NHSL1: variants seen among roughly 807,000 people sequenced by gnomAD.
The protein encoded by NHSL1 is NHS like 1.
A neutral mutation model predicts 95.0 loss-of-function variants in NHSL1; 48 were observed. The ratio of observed to expected loss-of-function variants is 0.51; its 90% CI spans 0.40 to 0.64. The LOEUF is 0.64. NHSL1 is among the 30% of genes least tolerant of loss of function. NHSL1 has a pLI of 0.00. For missense variants in NHSL1, 1,971 were observed against 2,077.7 expected (o/e 0.95, Z 1.00); for synonymous variants, 783 against 833.9 (o/e 0.94, Z 1.05).
chr6:138,428,786 G>T (rs1369893443), intron 7 of NHSL1, among the ~76,000 whole-genome samples: 1 of 151,772 alleles, frequency 6.6e-6, no homozygotes, highest in African/African-American at 2.4e-5. Context: ...TTTGTTTCAG[G>T]AGGTTAAAAA....
intron 1 of NHSL1, among the ~76,000 whole-genome samples, chr6:138,646,274 A>C (rs1299730376): frequency 6.6e-6 from 1 of 152,204 alleles, no homozygotes; most frequent in Admixed American, 6.5e-5. Flanking sequence ...AAATACACCA[A>C]TATTTTTAAC....
rs147872637 is a variant in NHSL1 at position 138,518,101 on chromosome 6, A to G, written c.17-21730T>C. Among the ~76,000 whole-genome samples the G allele has an allele frequency of 6.3e-3, 953 of 152,352 alleles. 23 individuals carry two copies. The highest frequency in any genetic ancestry group is 0.048 in the Admixed American group (738 of 15,304). On this transcript the variant is annotated intron_variant, in intron 1 of 4. Transcript: ENST00000342260. ...TGCAAGATTTCTGGACAAGTTCTTC[A>G]GTAAGAACAATTACTAATATAGGTT...
intron 1 of NHSL1, among the ~76,000 whole-genome samples, chr6:138,505,220 T>C (rs1780896747): frequency 6.6e-6 from 1 of 152,200 alleles, no homozygotes; most frequent in Non-Finnish European, 1.5e-5. Flanking sequence ...CCAAAAACTT[T>C]TTCACAAATA....
At chr6:138,442,317 AG>A in intron 4 of NHSL1, among the ~76,000 whole-genome samples, 1 of 152,358 alleles carries the variant, frequency 6.6e-6, no homozygotes, top group South Asian at 2.1e-4. Flanking sequence ...CACCTTCCAA[AG>A]GAAGCACCTT....
chr6:138,580,929 G>A (rs1158452671), intron 1 of NHSL1, among the ~76,000 whole-genome samples: 1 of 152,200 alleles, frequency 6.6e-6, no homozygotes, highest in Non-Finnish European at 1.5e-5. Flanking sequence ...AAAGAGAGAA[G>A]CAGGGGGAGG....
intron 1 of NHSL1, among the ~76,000 whole-genome samples, chr6:138,541,197 T>C (rs1286911904): frequency 6.6e-6 from 1 of 152,024 alleles, no homozygotes; most frequent in Non-Finnish European, 1.5e-5. Flanking sequence ...TGAAACCTCA[T>C]CTCTAATAAA....
At chr6:138,649,092 A>G (rs1344553754) in intron 1 of NHSL1, among the ~76,000 whole-genome samples, 3 of 152,194 alleles carry the variant, frequency 2.0e-5, no homozygotes, top group Non-Finnish European at 2.9e-5. Context: ...TTATTACAGG[A>G]AAGTGTATAC....
At chr6:138,641,855 T>C (rs1002369553) in intron 1 of NHSL1, among the ~76,000 whole-genome samples, 3 of 152,174 alleles carry the variant, frequency 2.0e-5, no homozygotes, top group Non-Finnish European at 4.4e-5. Context: ...CCCCACCTCC[T>C]GTCTCCTATA....
intron 1 of NHSL1, among the ~76,000 whole-genome samples, chr6:138,584,772 C>T (rs1784108545): frequency 6.6e-6 from 1 of 152,210 alleles, no homozygotes; most frequent in African/African-American, 2.4e-5. Context: ...AAAGTAAACA[C>T]CACGCCCTTT....
chr6:138,641,604 CAG>C (rs1234713405), intron 1 of NHSL1, among the ~76,000 whole-genome samples: 1 of 123,578 alleles, frequency 8.1e-6, no homozygotes, highest in Admixed American at 1.1e-4. Context: ...GCCTGGGTGA[CAG>C]AGTGAGACTC....
intron 1 of NHSL1, among the ~76,000 whole-genome samples, chr6:138,533,374 C>G (rs544799855): frequency 2.2e-3 from 329 of 152,112 alleles, no homozygotes; most frequent in African/African-American, 7.5e-3. Context: ...ACCAGCCTGA[C>G]CAACATGGAG....
intron 1 of NHSL1, among the ~76,000 whole-genome samples, chr6:138,566,352 T>G (rs1323783000): frequency 6.6e-6 from 1 of 152,016 alleles, no homozygotes; most frequent in Non-Finnish European, 1.5e-5. Flanking sequence ...GAGCCAAGAT[T>G]GTGCCACTGC....
upstream of NHSL1, among the ~76,000 whole-genome samples, chr6:138,503,606 G>T (rs1318831182): frequency 6.6e-6 from 1 of 152,124 alleles, no homozygotes; most frequent in Non-Finnish European, 1.5e-5. Context: ...GGGTTGAGCG[G>T]CTACGACTAA....
chr6:138,569,271 G>T (rs1228727396), intron 1 of NHSL1, among the ~76,000 whole-genome samples: 1 of 126,524 alleles, frequency 7.9e-6, no homozygotes, highest in Non-Finnish European at 1.8e-5. Context: ...GTGTGTGTGT[G>T]AGAGAGAGAG....
intron 1 of NHSL1, among the ~76,000 whole-genome samples, chr6:138,638,603 GAAAAAGAA>G (rs1013167113): frequency 2.0e-5 from 3 of 151,830 alleles, no homozygotes; most frequent in Middle Eastern, 3.2e-3. Flanking sequence ...TACATCAAAA[GAAAAAGAA>G]AAAAAGAAAC....
chr6:138,465,587 G>A (rs924875436), intron 3 of NHSL1, among the ~76,000 whole-genome samples: 3 of 152,010 alleles, frequency 2.0e-5, no homozygotes, highest in South Asian at 2.1e-4. Context: ...ATAACAGCAG[G>A]TTATATATAA....
chr6:138,634,114 T>G (rs1279909703), intron 1 of NHSL1, among the ~76,000 whole-genome samples: 2 of 150,976 alleles, frequency 1.3e-5, no homozygotes, highest in African/African-American at 4.9e-5. Context: ...CCAGAGAAAA[T>G]CACCTTCACT....
chr6:138,649,387 T>C (rs559949668), intron 1 of NHSL1, among the ~76,000 whole-genome samples: 4 of 151,508 alleles, frequency 2.6e-5, no homozygotes, highest in African/African-American at 9.7e-5. Flanking sequence ...ATTGGACCTA[T>C]ATATAATATA....
chr6:138,611,046 CCAGTG>C (rs1205674754), intron 1 of NHSL1, among the ~76,000 whole-genome samples: 4 of 151,712 alleles, frequency 2.6e-5, no homozygotes, highest in Non-Finnish European at 5.9e-5. Context: ...CCACTGCATT[CCAGTG>C]AGTGACAGAG....
Sources: gnomAD v4.1 joint callset for allele counts (sites outside exome capture counted in the v4.1 genomes callset) on GRCh38, gnomAD v4.1.1 for gene constraint, MANE v1.5 for transcripts, NCBI Gene and HGNC (gene_info 2026-07-23, HGNC 2026-07-21) for gene names.